ZC3H11A: variants seen among roughly 807,000 people sequenced by gnomAD.
ZC3H11A encodes zinc finger CCCH-type containing 11A, also known as zinc finger CCCH domain-containing protein 11A.
Under a neutral mutation model 90.8 loss-of-function variants are expected in ZC3H11A, and 22 were observed. The observed-to-expected ratio is 0.24, with a 90% confidence interval of 0.17 to 0.35. The LOEUF is 0.35. Among genes scored for constraint, ZC3H11A ranks in the 10% least tolerant of loss-of-function variants. The pLI, the probability that ZC3H11A is intolerant of heterozygous loss-of-function variation, is 1.00. For missense variants in ZC3H11A, 701 were observed against 964.9 expected (o/e 0.73, Z 3.62); for synonymous variants, 294 against 339.8 (o/e 0.87, Z 1.48).
At chr1:203,797,848 A>G in intron 1 of ZC3H11A, 1 of 1,536,148 alleles carries the variant, frequency 6.5e-7, no homozygotes, top group South Asian at 1.2e-5. Context: ...GACCCTGAGC[A>G]GGATGAAGAA....
chr1:203,847,271 A>T lies in ZC3H11A; in HGVS notation c.1130A>T (p.Gln377Leu), dbSNP rs1346004627. Residue 377 changes from glutamine (Q) to leucine (L), a missense_variant, in exon 13 of 18, where the codon CAA (glutamine) becomes CTA (leucine). By Grantham distance (113) the Gln-to-Leu change is moderately radical. Around this residue, in one of 4 missense-constraint regions of ZC3H11A, gnomAD observed 530 missense variants for 696.2 expected, o/e 0.76. Transcript: ENST00000367210. ...GCCAGTCAGAAACGTGGAGAATTGCAAACTAAACTCAAGACAGAAGGACCT... is the reference window on the plus strand; with the variant it reads ...GCCAGTCAGAAACGTGGAGAATTGCTAACTAAACTCAAGACAGAAGGACCT... ...ERASQKRGEL[Q>L]TKLKTEGPSK... The T allele has an allele frequency of 5.0e-6, 8 of 1,613,874 alleles. No homozygotes were observed. Among genetic ancestry groups the T allele is most frequent in the Non-Finnish European group, 6.8e-6 (8 of 1,179,878 alleles).
intron 9 of ZC3H11A, among the ~76,000 whole-genome samples, chr1:203,832,122 G>A (rs1269991811): frequency 6.6e-6 from 1 of 152,144 alleles, no homozygotes; most frequent in East Asian, 1.9e-4. Flanking sequence ...GCAATGGCAT[G>A]ATCTCAGCTC....
intron 13 of ZC3H11A, 111 bp downstream of exon 13, chr1:203,847,798 G>A (rs1257090738): frequency 1.9e-5 from 28 of 1,447,354 alleles, no homozygotes; most frequent in South Asian, 1.1e-4. Flanking sequence ...CTCAGATAAC[G>A]TTGAAAACAC....
chr1:203,810,917 G>A (rs1674252242), intron 2 of ZC3H11A, among the ~76,000 whole-genome samples: 1 of 151,302 alleles, frequency 6.6e-6, no homozygotes, highest in African/African-American at 2.4e-5. Context: ...GATGACCTGA[G>A]GTCAGGAGTT....
Position 203,798,080 on chromosome 1 carries a change from G to A in ZC3H11A, c.-1588+2286G>A, listed in dbSNP as rs1401224748. On this transcript the variant is annotated intron_variant, in intron 1 of 17. Coordinates refer to ENST00000367210, the MANE Select transcript of ZC3H11A (RefSeq NM_001376342.1). The stretch of plus-strand genomic sequence containing the variant: ...CAAGGCATTCACCTCATTGGACCAG[G>A]GCCAACAAGTTTGGAGTTGCTAGTG... The A allele has an allele frequency of 7.2e-6, 11 of 1,536,068 alleles. No homozygotes were observed. The Admixed American group carries it at 9.8e-5, about 14-fold the overall frequency.
At chr1:203,844,682 G>A (rs1687391840) in intron 12 of ZC3H11A, among the ~76,000 whole-genome samples, 1 of 152,134 alleles carries the variant, frequency 6.6e-6, no homozygotes, top group Non-Finnish European at 1.5e-5. Flanking sequence ...ATTTATGTCT[G>A]GCTAAGTGGA....
intron 2 of ZC3H11A, among the ~76,000 whole-genome samples, chr1:203,808,409 T>A (rs1468620174): frequency 6.6e-6 from 1 of 152,234 alleles, no homozygotes; most frequent in Non-Finnish European, 1.5e-5. Flanking sequence ...TTACCATGTC[T>A]GTGTATAGCA....
At chr1:203,798,251 A>T (rs1369737878) in intron 1 of ZC3H11A, 3 of 1,536,152 alleles carry the variant, frequency 2.0e-6, no homozygotes, top group Non-Finnish European at 2.6e-6. Context: ...TAAGGGCAGA[A>T]AGAGGGAGAT....
intron 2 of ZC3H11A, among the ~76,000 whole-genome samples, chr1:203,811,236 A>C (rs1159169987): frequency 6.6e-6 from 1 of 151,686 alleles, no homozygotes; most frequent in African/African-American, 2.4e-5. Flanking sequence ...TGAACCCAGG[A>C]GGTGGAGGTT....
At chr1:203,844,146 T>C (rs1313109814) in intron 12 of ZC3H11A, among the ~76,000 whole-genome samples, 2 of 152,024 alleles carry the variant, frequency 1.3e-5, no homozygotes, top group Non-Finnish European at 2.9e-5. Flanking sequence ...CGTGAGCCAC[T>C]GTGCCCGCCT....
intron 2 of ZC3H11A, among the ~76,000 whole-genome samples, chr1:203,815,216 C>CTTTTCTTTT (rs1553261508): frequency 3.1e-5 from 3 of 97,146 alleles, no homozygotes; most frequent in African/African-American, 1.2e-4. Context: ...CTTTTCTTTT[C>CTTTTCTTTT]TTTTTTTTTT....
intron 3 of ZC3H11A, among the ~76,000 whole-genome samples, chr1:203,817,502 TC>T (rs1676747264): frequency 6.6e-6 from 1 of 150,874 alleles, no homozygotes; most frequent in African/African-American, 2.4e-5. Context: ...GTGTTGTACT[TC>T]CAGAAACTGT....
intron 2 of ZC3H11A, among the ~76,000 whole-genome samples, chr1:203,810,860 G>T (rs1423337339): frequency 6.6e-6 from 1 of 151,908 alleles, no homozygotes; most frequent in African/African-American, 2.4e-5. Context: ...TTGTGGGCCA[G>T]ACGCTCACGC....
At position 203,818,594 on chromosome 1, in the gene ZC3H11A, T is replaced by C; in HGVS notation, c.79T>C (p.Cys27Arg). The change falls in exon 4 of 18, where the codon TGT (cysteine) becomes CGT (arginine). Residue 27 changes from cysteine to arginine, a missense_variant. Cys to Arg is a radical substitution (Grantham distance 180). Transcript: ENST00000367210. ...GGGTGACAGCTGCCCATTCCGTCACTGTGAAGCTGCAATAGGAAATGAAAC... is the reference window on the plus strand; with the variant it reads ...GGGTGACAGCTGCCCATTCCGTCACCGTGAAGCTGCAATAGGAAATGAAAC... ...TKGDSCPFRH[C>R]EAAIGNETVC... is the part of the protein sequence containing the mutation. 1 of 1,614,132 alleles carries C rather than the reference T, an allele frequency of 6.2e-7. No homozygotes were observed. The highest frequency in any genetic ancestry group is 1.1e-5 in the South Asian group (1 of 91,076).
chr1:203,839,965 G>A (rs1483840335), intron 11 of ZC3H11A, among the ~76,000 whole-genome samples: 3 of 134,966 alleles, frequency 2.2e-5, no homozygotes, highest in African/African-American at 5.4e-5. Context: ...CACCACACCC[G>A]GCTAATTTTT....
chr1:203,847,387 C>G lies in ZC3H11A; in HGVS notation c.1246C>G (p.Arg416Gly), dbSNP rs4019824. Residue 416 changes from arginine (R) to glycine (G), a missense_variant, in exon 13 of 18, where the codon CGG becomes GGG. Transcript: ENST00000367210. ...FSEVLAEKKH[R>G]QQEAERQKSK... ...TGAGGTCCTGGCTGAAAAAAAACAT[C>G]GGCAGCAGGAAGCAGAGAGACAAAA... 1.9e-6 allele frequency: 3 copies of G among 1,613,812 alleles called. No homozygotes were observed. Among genetic ancestry groups the G allele is most frequent in the South Asian group, 2.2e-5 (2 of 91,070 alleles).
At chr1:203,847,039 A>G in intron 12 of ZC3H11A, 145 bp from the exon 13 acceptor site, 1 of 903,720 alleles carries the variant, frequency 1.1e-6, no homozygotes, top group South Asian at 1.8e-5. Flanking sequence ...AGGAAAAGAA[A>G]TAAATGTTAC....
At chr1:203,826,342 A>G (rs1680518738) in intron 4 of ZC3H11A, among the ~76,000 whole-genome samples, 1 of 150,950 alleles carries the variant, frequency 6.6e-6, no homozygotes, top group South Asian at 2.1e-4. Context: ...GAAAATATCA[A>G]TAATATTAAA....
At chr1:203,833,738 T>G in intron 9 of ZC3H11A, 53 bp from the exon 10 acceptor site, 1 of 1,539,674 alleles carries the variant, frequency 6.5e-7, no homozygotes, top group South Asian at 1.2e-5. Flanking sequence ...TAGTAGTTAC[T>G]GAATACAGAA....
Sources: gnomAD v4.1 joint callset for allele counts (sites outside exome capture counted in the v4.1 genomes callset) on GRCh38, gnomAD v4.1.1 for gene constraint, gnomAD v4.1.1 regional missense constraint, MANE v1.5 for transcripts, NCBI Gene and HGNC (gene_info 2026-07-23, HGNC 2026-07-21) for gene names.